CHD1: variants seen among roughly 807,000 people sequenced by gnomAD.
CHD1 encodes chromodomain helicase DNA binding protein 1.
A neutral mutation model predicts 224.2 loss-of-function variants in CHD1; 36 were observed. The observed-to-expected ratio is 0.16, with a 90% CI of 0.12 to 0.21. The LOEUF is 0.21. Among genes scored for constraint, CHD1 ranks in the 10% least tolerant of loss-of-function variants. The probability of loss-of-function intolerance (pLI) is 1.00; values close to 1 mark genes in which losing one functional copy is unlikely to be tolerated. For missense variants in CHD1, 1,378 were observed against 1,994.8 expected (o/e 0.69, Z 5.89); for synonymous variants, 668 against 658.3 (o/e 1.01, Z -0.23).
chr5:98,866,878 T>G (rs1036850053), intron 31 of CHD1, among the ~76,000 whole-genome samples: 4 of 152,192 alleles, frequency 2.6e-5, no homozygotes, highest in African/African-American at 9.6e-5. Flanking sequence ...TTATTATTTC[T>G]TCCTGGTTTT....
intron 1 of CHD1, 58 bp from the exon 2 acceptor site, chr5:98,926,592 G>A (rs989005626): frequency 1.1e-5 from 4 of 365,900 alleles, no homozygotes. Context: ...GGTAAATTAA[G>A]CCCTGTCTAA....
At chr5:98,893,931 T>C (rs1001049408) in intron 13 of CHD1, among the ~76,000 whole-genome samples, 5 of 152,118 alleles carry the variant, frequency 3.3e-5, no homozygotes, top group African/African-American at 1.2e-4. Flanking sequence ...GAAGCCTCTA[T>C]TAATGTCAAT....
intron 3 of CHD1, among the ~76,000 whole-genome samples, 192 bp from the exon 4 acceptor site, chr5:98,904,100 A>C (rs1226533897): frequency 1.3e-5 from 2 of 152,232 alleles, no homozygotes; most frequent in South Asian, 2.1e-4. Context: ...ATGTATAAAA[A>C]AAAATGGTGT....
chr5:98,894,437 G>A (rs1751220122), intron 13 of CHD1, among the ~76,000 whole-genome samples, 160 bp downstream of exon 13: 1 of 151,838 alleles, frequency 6.6e-6, no homozygotes, highest in African/African-American at 2.4e-5. Flanking sequence ...TTTCAAAAAG[G>A]TAAAAACCAT....
intron 7 of CHD1, 57 bp downstream of exon 7, chr5:98,900,754 C>G: frequency 6.7e-7 from 1 of 1,491,254 alleles, no homozygotes; most frequent in Non-Finnish European, 9.2e-7. Flanking sequence ...GCCCAGCCCT[C>G]TACTCCTGTA....
intron 31 of CHD1, 31 bp from the exon 32 acceptor site, chr5:98,863,617 CATGT>C: frequency 1.3e-6 from 2 of 1,528,388 alleles, no homozygotes; most frequent in Non-Finnish European, 1.8e-6. Context: ...AATATAAACA[CATGT>C]ATTAAAAACC....
At chr5:98,898,472 T>G (rs376185521) in intron 9 of CHD1, 38 bp from the exon 10 acceptor site, 1 of 1,445,072 alleles carries the variant, frequency 6.9e-7, no homozygotes, top group African/African-American at 1.5e-5. Flanking sequence ...TTATTTATTT[T>G]TTTTTACATT....
Position 98,858,979 on chromosome 5 carries a change from C to T in CHD1, c.4561G>A (p.Val1521Met), listed in dbSNP as rs778060142. Residue 1521 changes from valine (V) to methionine (M), a missense_variant, in exon 34 of 36, where the codon GTG becomes ATG. Val to Met is a conservative substitution (Grantham distance 21). This residue lies in a region of CHD1 where 278 missense variants were observed against 298.5 expected (regional missense o/e 0.93). Transcript: ENST00000614616. ...GCTTACATACCTGGATTTCTAATCA[C>T]GTGAGGATTCAAGTTGCTGTTTTGA... ...SDQNSNLNPH[V>M]IRNPDVERLK... is the part of the protein sequence containing the mutation. The T allele has an allele frequency of 8.3e-6, 13 of 1,558,746 alleles. No homozygotes were observed. Among genetic ancestry groups the T allele is most frequent in the South Asian group, 1.2e-5 (1 of 80,398 alleles).
chr5:98,869,530 C>T (rs1749153527), intron 30 of CHD1: 1 of 477,100 alleles, frequency 2.1e-6, no homozygotes. Context: ...TTGCTCTATG[C>T]CTCTAGTGCT....
chr5:98,918,335 C>G (rs1752877249), intron 2 of CHD1, among the ~76,000 whole-genome samples: 1 of 151,414 alleles, frequency 6.6e-6, no homozygotes, highest in Admixed American at 6.6e-5. Context: ...GCTGGGATTA[C>G]AGATGTGAGC....
intron 16 of CHD1, among the ~76,000 whole-genome samples, chr5:98,888,504 T>G (rs916512579): frequency 2.0e-5 from 3 of 152,224 alleles, no homozygotes; most frequent in African/African-American, 7.2e-5. Context: ...TGCTAGTTAC[T>G]ATACCACAGT....
At chr5:98,920,675 T>C (rs112136018) in intron 2 of CHD1, among the ~76,000 whole-genome samples, 2,173 of 152,094 alleles carry the variant, frequency 0.014, 23 homozygotes, top group Non-Finnish European at 0.022. Context: ...TGCACACCTG[T>C]AGTCCCAGTC....
At chr5:98,915,837 AAT>A in intron 2 of CHD1, among the ~76,000 whole-genome samples, 1 of 152,328 alleles carries the variant, frequency 6.6e-6, no homozygotes, top group Non-Finnish European at 1.5e-5. Flanking sequence ...TCAGTACTTT[AAT>A]ATAAACTTCA....
chr5:98,882,236 C>T, intron 19 of CHD1, 113 bp from the exon 20 acceptor site: 1 of 836,636 alleles, frequency 1.2e-6, no homozygotes, highest in Non-Finnish European at 1.8e-6. Flanking sequence ...GAAGTTTTCA[C>T]TGGTTAAAAG....
intron 19 of CHD1, 86 bp from the exon 20 acceptor site, chr5:98,882,209 T>C: frequency 9.0e-7 from 1 of 1,113,402 alleles, no homozygotes. Context: ...GCACACAAAT[T>C]GAAGCTCATT....
At chr5:98,905,450 A>C (rs755502228) in intron 2 of CHD1, among the ~76,000 whole-genome samples, 5 of 152,204 alleles carry the variant, frequency 3.3e-5, no homozygotes, top group Non-Finnish European at 7.4e-5. Flanking sequence ...AAGAAGTTGA[A>C]GGCATGGTAC....
At chr5:98,914,257 T>C (rs1385504541) in intron 2 of CHD1, among the ~76,000 whole-genome samples, 1 of 152,176 alleles carries the variant, frequency 6.6e-6, no homozygotes. Flanking sequence ...TTGGAAGCCA[T>C]ACATTAAGAA....
chr5:98,872,376 G>A, intron 27 of CHD1, 41 bp downstream of exon 27: 2 of 1,570,308 alleles, frequency 1.3e-6, no homozygotes, highest in African/African-American at 1.4e-5. Context: ...TGCAATTATT[G>A]AATAACAAAA....
intron 30 of CHD1, chr5:98,868,985 T>G (rs919536375): frequency 1.2e-6 from 1 of 807,450 alleles, no homozygotes; most frequent in Non-Finnish European, 1.5e-6. Context: ...TGTTTTTACT[T>G]TCTACATTTT....
Sources: allele counts gnomAD v4.1 joint callset (sites outside exome capture counted in the v4.1 genomes callset), GRCh38; gene constraint gnomAD v4.1.1; regional missense constraint gnomAD v4.1.1; transcripts MANE v1.5; gene names NCBI Gene and HGNC (gene_info 2026-07-23, HGNC 2026-07-21).